Variants in CMTM4 observed in about 807,000 individuals in gnomAD.
CMTM4 encodes CKLF-like MARVEL transmembrane domain-containing protein 4.
In CMTM4, 8 loss-of-function variants were observed where a neutral mutation model predicts 19.0. That is an observed-to-expected ratio of 0.42 (90% CI 0.25 to 0.76). The LOEUF (loss-of-function observed/expected upper bound fraction) is 0.76, where lower values mean the gene tolerates loss of function less well. CMTM4 is among the 30% of genes least tolerant of loss of function. The probability of loss-of-function intolerance (pLI) is 0.27; values close to 1 mark genes in which losing one functional copy is unlikely to be tolerated. For missense variants in CMTM4, 228 were observed against 290.2 expected, an observed-to-expected ratio of 0.79 and a Z score of 1.56; for synonymous variants, 106 against 121.1, an observed-to-expected ratio of 0.88 and a Z score of 0.82.
intron 1 of CMTM4, among the ~76,000 whole-genome samples, chr16:66,647,597 A>G (rs1268785741): frequency 1.3e-5 from 2 of 152,158 alleles, no homozygotes; most frequent in African/African-American, 4.8e-5. Flanking sequence ...CAAAAGAGCA[A>G]ATGAGGAATG....
At chr16:66,661,268 C>T (rs755766068) in intron 1 of CMTM4, among the ~76,000 whole-genome samples, 8 of 152,156 alleles carry the variant, frequency 5.3e-5, no homozygotes, top group Non-Finnish European at 8.8e-5. Context: ...ACTGGTGCTG[C>T]GGATGGACTG....
chr16:66,653,247 C>T (rs1205546876), intron 1 of CMTM4, among the ~76,000 whole-genome samples: 1 of 152,182 alleles, frequency 6.6e-6, no homozygotes, highest in African/African-American at 2.4e-5. Flanking sequence ...GAGAAACGAG[C>T]AGGCTGGGAG....
chr16:66,605,236 G>A, the CMTM4 span: 6 of 303,908 alleles, frequency 2.0e-5, no homozygotes, highest in South Asian at 1.0e-4. This position sits in a 1 kb window ranked among gnomAD's most constrained non-coding sequence, Gnocchi z 4.6. Flanking sequence ...TGTGGGTCCT[G>A]CTGTGTGAGC....
chr16:66,629,339 G>A (rs765993710), intron 2 of CMTM4, among the ~76,000 whole-genome samples: 2 of 152,062 alleles, frequency 1.3e-5, no homozygotes, highest in African/African-American at 2.4e-5. Context: ...AGGATCAAAG[G>A]GACAATTATA....
Position 66,618,705 on chromosome 16 carries a change from G to C in CMTM4, c.*3353C>G. 1.0e-6 allele frequency: 1 copy of C among 985,514 alleles called. No individual in the cohort carries two copies. The highest frequency in any genetic ancestry group is 1.2e-6 in the Non-Finnish European group (1 of 829,970). The allele number at this position is 985,514 out of a possible 1,614,324, so 61.0% of individuals were successfully genotyped here. On this transcript the variant is annotated 3_prime_UTR_variant, in exon 4 of 4. Transcript: ENST00000394106. ...AACCCAAGGCTGACTCACTAGGACAGCTTCCAAGAACCACAGATGTAACTG... is the reference window on the plus strand; with the variant it reads ...AACCCAAGGCTGACTCACTAGGACACCTTCCAAGAACCACAGATGTAACTG...
the CMTM4 span, chr16:66,604,790 T>TACCGCC: frequency 8.0e-7 from 1 of 1,245,950 alleles, no homozygotes; most frequent in South Asian, 3.4e-5. Flanking sequence ...GCCCCGGCCC[T>TACCGCC]ACCGCCGCCG....
chr16:66,683,131 ATATATATATATATATG>A lies in CMTM4; in HGVS notation c.186+13193_186+13208del, dbSNP rs1567431945. Among the ~76,000 whole-genome samples, 6 of 115,196 alleles carry A rather than the reference ATATATATATATATATG, an allele frequency of 5.2e-5. 1 individual carries two copies. Among genetic ancestry groups the A allele is most frequent in the Admixed American group, 1.9e-4 (2 of 10,550 alleles). 75.6% of individuals were successfully genotyped at this position (115,196 alleles called of 152,430 possible). On this transcript the variant is annotated intron_variant, in intron 1 of 3. Coordinates refer to ENST00000394106, the MANE Select transcript of CMTM4 (RefSeq NM_181521.3). The stretch of plus-strand genomic sequence containing the variant: ...TAGTTGTGTGTGTGTGTGTGTGTGT[ATATATATATATATATG>A]TATATATATATACGTATATATATAT...
At chr16:66,652,839 T>G (rs1476452053) in intron 1 of CMTM4, among the ~76,000 whole-genome samples, 1 of 152,212 alleles carries the variant, frequency 6.6e-6, no homozygotes, top group Non-Finnish European at 1.5e-5. Context: ...CACAGGACGG[T>G]CAGCATCTTT....
At chr16:66,649,491 T>TATCTATCC (rs1384328550) in intron 1 of CMTM4, among the ~76,000 whole-genome samples, 9 of 151,354 alleles carry the variant, frequency 5.9e-5, no homozygotes, top group African/African-American at 1.7e-4. Context: ...TCTATCTATC[T>TATCTATCC]ATCCCTGATT....
chr16:66,660,296 G>T (rs1437702140), intron 1 of CMTM4, among the ~76,000 whole-genome samples: 1 of 151,646 alleles, frequency 6.6e-6, no homozygotes, highest in South Asian at 2.1e-4. Flanking sequence ...GCAGAGGTAG[G>T]AGGATTGCTT....
intron 1 of CMTM4, among the ~76,000 whole-genome samples, chr16:66,673,582 C>T (rs1479763655): frequency 1.3e-5 from 2 of 152,160 alleles, no homozygotes; most frequent in African/African-American, 4.8e-5. Flanking sequence ...TACTTTTGTG[C>T]AGCTACTTAA....
At chr16:66,607,213 C>T in the CMTM4 span, among the ~76,000 whole-genome samples, 11 of 152,340 alleles carry the variant, frequency 7.2e-5, no homozygotes, top group East Asian at 1.9e-3. Context: ...TGCTCTGCAG[C>T]GTACCTGGGC....
intron 1 of CMTM4, among the ~76,000 whole-genome samples, chr16:66,670,216 G>A (rs2016677553): frequency 6.6e-6 from 1 of 151,764 alleles, no homozygotes; most frequent in Non-Finnish European, 1.5e-5. Context: ...GGATGCCAAG[G>A]CGGGCAGATC....
chr16:66,696,332 G>A lies in CMTM4; in HGVS notation c.186+8C>T, dbSNP rs1350455099. ...CCTCGGGCACCTGGGGCCCCGCCCG[G>A]CACCTACCACTTGGGCGACCTTGAG... is the stretch of plus-strand genomic sequence containing the variant. On this transcript the variant is annotated splice_region_variant and intron_variant, in intron 1 of 3. Coordinates refer to ENST00000394106, the MANE Select transcript of CMTM4 (RefSeq NM_181521.3). The surrounding 1 kb of genome is among the most constrained non-coding windows in gnomAD (Gnocchi z 4.3). 2 of 1,389,206 alleles carry A rather than the reference G, an allele frequency of 1.4e-6. No individual in the cohort carries two copies. The highest frequency in any genetic ancestry group is 1.9e-6 in the Non-Finnish European group (2 of 1,072,128). 86.1% of individuals were successfully genotyped at this position (1,389,206 alleles called of 1,614,324 possible).
At position 66,640,896 on chromosome 16, in the gene CMTM4, C is replaced by T. The variant is rs192165825; in HGVS notation, c.187-4315G>A. Among the ~76,000 whole-genome samples the T allele has an allele frequency of 6.6e-4, 100 of 152,224 alleles. 1 individual carries two copies. The highest frequency in any genetic ancestry group is 4.1e-3 in the South Asian group (20 of 4,822). On this transcript the variant is annotated intron_variant, in intron 1 of 3. Transcript: ENST00000394106. Reference sequence around the variant, plus strand: ...CTGCCAACAGCCATGTTGAACAAGCCGTCTTAGACATAGGTCCTCCAGCCC... The same window carrying T: ...CTGCCAACAGCCATGTTGAACAAGCTGTCTTAGACATAGGTCCTCCAGCCC...
intron 2 of CMTM4, among the ~76,000 whole-genome samples, chr16:66,633,912 G>A (rs561403808): frequency 8.6e-5 from 13 of 151,844 alleles, no homozygotes; most frequent in Non-Finnish European, 1.5e-4. Flanking sequence ...CTCCAAAAGA[G>A]TGGAAAGTCT....
intron 1 of CMTM4, among the ~76,000 whole-genome samples, chr16:66,649,459 CATCT>C (rs71378403): frequency 0.017 from 2,467 of 149,476 alleles, 90 homozygotes; most frequent in East Asian, 0.16. Flanking sequence ...TCTATCTATC[CATCT>C]ATCTATCTAT....
chr16:66,652,197 C>T (rs551940967), intron 1 of CMTM4, among the ~76,000 whole-genome samples: 1 of 152,318 alleles, frequency 6.6e-6, no homozygotes, highest in East Asian at 1.9e-4. Context: ...AAGGGAGAGG[C>T]TTCCAAGGAC....
Position 66,619,220 on chromosome 16 carries a change from T to C in CMTM4, c.*2838A>G, listed in dbSNP as rs2015582842. On this transcript the variant is annotated 3_prime_UTR_variant, in exon 4 of 4. Coordinates refer to ENST00000394106, the MANE Select transcript of CMTM4 (RefSeq NM_181521.3). The stretch of plus-strand genomic sequence containing the variant: ...TGTGAAAGAAGGATATCAAAGAGAA[T>C]CAGAGGGAAAAAATACCAAATCCAC... The C allele has an allele frequency of 1.0e-6, 1 of 985,258 alleles. No individual in the cohort carries two copies. The highest frequency in any genetic ancestry group is 1.7e-5 in the African/African-American group (1 of 57,240). The allele number at this position is 985,258 out of a possible 1,614,324, so 61.0% of individuals were successfully genotyped here.
Sources: gnomAD v4.1 joint callset for allele counts (sites outside exome capture counted in the v4.1 genomes callset) on GRCh38, gnomAD v4.1.1 for gene constraint, Gnocchi (gnomAD v3.1) non-coding constraint, MANE v1.5 for transcripts, NCBI Gene and HGNC (gene_info 2026-07-23, HGNC 2026-07-21) for gene names.